Variants in FAM178B observed in about 807,000 individuals in gnomAD.
FAM178B encodes the protein family with sequence similarity 178 member B, also known as protein FAM178B.
FAM178B carries 82 observed loss-of-function variants against 91.7 expected under a neutral mutation model. That is an observed-to-expected ratio of 0.89 (90% CI 0.75 to 1.07). FAM178B has a LOEUF of 1.07. Among genes scored for constraint, FAM178B ranks in the 50% least tolerant of loss-of-function variants. The pLI is 0.00. For missense variants in FAM178B, 769 were observed against 846.7 expected (o/e 0.91, Z 1.14); for synonymous variants, 368 against 359.4 (o/e 1.02, Z -0.27).
At chr2:96,967,911 CTTTTTTTTTTT>C (rs60965536) in intron 4 of FAM178B, among the ~76,000 whole-genome samples, 5 of 62,444 alleles carry the variant, frequency 8.0e-5, no homozygotes, top group Non-Finnish European at 1.5e-4. Flanking sequence ...CCTGTTTGGT[CTTTTTTTTTTT>C]TTTTTTTTTT....
At chr2:96,882,429 G>T (rs1385536013) in intron 14 of FAM178B, among the ~76,000 whole-genome samples, 1 of 152,362 alleles carries the variant, frequency 6.6e-6, no homozygotes, top group African/African-American at 2.4e-5. Context: ...GGGCAGGCAG[G>T]GGTGGGCGAG....
At chr2:96,901,771 G>C (rs2080937628) in intron 13 of FAM178B, among the ~76,000 whole-genome samples, 2 of 152,100 alleles carry the variant, frequency 1.3e-5, no homozygotes, top group Admixed American at 1.3e-4. Flanking sequence ...TCCCTGAATT[G>C]TACACTTAGA....
chr2:96,919,949 T>C (rs926353019), intron 12 of FAM178B, among the ~76,000 whole-genome samples: 3 of 151,620 alleles, frequency 2.0e-5, no homozygotes, highest in African/African-American at 7.3e-5. Context: ...GGCCCTGGGG[T>C]GTGAGGCGAT....
At chr2:96,878,668 C>T (rs184151874) in intron 14 of FAM178B, among the ~76,000 whole-genome samples, 175 bp from the exon 15 acceptor site, 1 of 152,212 alleles carries the variant, frequency 6.6e-6, no homozygotes, top group East Asian at 1.9e-4. Flanking sequence ...CCTGGGTGAG[C>T]CAGGCTCTGG....
At chr2:96,957,229 G>A (rs1012494597) in intron 6 of FAM178B, among the ~76,000 whole-genome samples, 2 of 152,148 alleles carry the variant, frequency 1.3e-5, no homozygotes, top group Non-Finnish European at 2.9e-5. Flanking sequence ...GGTTATTATT[G>A]AATGACTGAC....
chr2:96,971,867 AAGG>A (rs1411928142), intron 3 of FAM178B, 31 bp downstream of exon 3: 1 of 1,447,164 alleles, frequency 6.9e-7, no homozygotes, highest in Non-Finnish European at 9.1e-7. Flanking sequence ...ATGGGTAGCC[AAGG>A]AGAAGAGGCC....
chr2:96,890,844 C>T (rs1574197108), intron 14 of FAM178B, among the ~76,000 whole-genome samples: 1 of 152,134 alleles, frequency 6.6e-6, no homozygotes, highest in South Asian at 2.1e-4. Flanking sequence ...GCCAAATAAG[C>T]CCTCTGCCTC....
chr2:96,886,364 C>T lies in FAM178B; in HGVS notation c.1776+7562G>A, dbSNP rs553731435. Among the ~76,000 whole-genome samples, 20 of 152,310 alleles carry T rather than the reference C, an allele frequency of 1.3e-4. No individual in the cohort carries two copies. The East Asian group carries it at 3.3e-3, about 25-fold the overall frequency. On this transcript the variant is annotated intron_variant, in intron 14 of 16. Coordinates refer to ENST00000490605, the MANE Select transcript of FAM178B (RefSeq NM_001122646.3). ...AGCCAATGAGACGCCATTCTGGTTA[C>T]GATTCGAGGGCCGAAGCTCTTTCTT...
In FAM178B at chr2:96,950,436, G is replaced by A. The variant is rs77832097; in HGVS notation, c.993+943C>T. ...AGGTGAAGGACCCAGAGCACGAAGG[G>A]AGAGCTGGAGGGCTCTCTCTGGACT... On this transcript the variant is annotated intron_variant, in intron 7 of 16. Coordinates refer to ENST00000490605, the MANE Select transcript of FAM178B (RefSeq NM_001122646.3). 3.6e-3 allele frequency among the ~76,000 whole-genome samples: 550 copies of A among 152,282 alleles called. 2 individuals carry two copies. The highest frequency in any genetic ancestry group is 0.013 in the African/African-American group (539 of 41,562).
chr2:96,983,649 T>G (rs1227487369), intron 1 of FAM178B, among the ~76,000 whole-genome samples: 1 of 151,952 alleles, frequency 6.6e-6, no homozygotes, highest in East Asian at 1.9e-4. Flanking sequence ...GGTCTCAAAC[T>G]CCTAGGCTCA....
intron 14 of FAM178B, among the ~76,000 whole-genome samples, chr2:96,882,390 G>A (rs1377453880): frequency 2.6e-5 from 4 of 152,252 alleles, no homozygotes; most frequent in Non-Finnish European, 5.9e-5. Flanking sequence ...TCCCTCCAAC[G>A]TGGCAGGGGC....
Position 96,964,825 on chromosome 2 carries a change from A to C in FAM178B, c.734+2695T>G, listed in dbSNP as rs2082124441. On this transcript the variant is annotated intron_variant, in intron 5 of 16. Transcript: ENST00000490605. ...CACTGTGACCTCTAAATCATACGTC[A>C]ATCATTCCCACTCTGGGCCAGCAGC... Among the ~76,000 whole-genome samples the C allele has an allele frequency of 3.9e-5, 6 of 152,068 alleles. No individual in the cohort carries two copies. In the South Asian group the frequency reaches 1.2e-3, roughly 32 times the overall value.
At chr2:96,929,344 GAGTT>G in intron 8 of FAM178B, 24 bp from the exon 9 acceptor site, 1 of 1,504,022 alleles carries the variant, frequency 6.6e-7, no homozygotes, top group Non-Finnish European at 9.1e-7. Context: ...AGGGAGCAGA[GAGTT>G]AGAATGGGGA....
intron 5 of FAM178B, among the ~76,000 whole-genome samples, chr2:96,964,516 G>A (rs1243048203): frequency 6.6e-6 from 1 of 152,088 alleles, no homozygotes; most frequent in Non-Finnish European, 1.5e-5. Flanking sequence ...CCACACAGCT[G>A]GGGCCACCTC....
At chr2:96,962,300 T>C (rs1010262167) in intron 5 of FAM178B, among the ~76,000 whole-genome samples, 5 of 151,322 alleles carry the variant, frequency 3.3e-5, no homozygotes, top group African/African-American at 1.2e-4. Flanking sequence ...AGACTCCATC[T>C]CAAAGGGAAG....
chr2:96,921,039 C>T, intron 12 of FAM178B, 126 bp downstream of exon 12: 1 of 717,360 alleles, frequency 1.4e-6, no homozygotes, highest in Non-Finnish European at 2.4e-6. Flanking sequence ...TTTTAGTTCT[C>T]CCTCCTGGGG....
Position 96,929,205 on chromosome 2 carries a change from C to A in FAM178B, c.1193+1G>T. On this transcript the variant is annotated splice_donor_variant, in intron 9 of 16. Transcript: ENST00000490605. LOFTEE classifies it high-confidence loss of function. ...GGCAGTGAGGAAGCAGAAGTACTCACCTGCCACCGTGCCAAAAGGGCCCCA... is the reference window on the plus strand; with the variant it reads ...GGCAGTGAGGAAGCAGAAGTACTCAACTGCCACCGTGCCAAAAGGGCCCCA... The A allele has an allele frequency of 1.3e-6, 2 of 1,544,286 alleles. No homozygotes were observed. Among genetic ancestry groups the A allele is most frequent in the Non-Finnish European group, 1.8e-6 (2 of 1,140,372 alleles).
chr2:96,974,635 A>G (rs1467656701), intron 1 of FAM178B, among the ~76,000 whole-genome samples: 1 of 152,186 alleles, frequency 6.6e-6, no homozygotes, highest in African/African-American at 2.4e-5. Context: ...TGGAAGACAC[A>G]AATAGGTTGA....
rs182788754 is a variant in FAM178B at position 96,889,401 on chromosome 2, C to T, written c.1776+4525G>A. Among the ~76,000 whole-genome samples the T allele has an allele frequency of 9.5e-3, 1,442 of 152,132 alleles. 10 individuals carry two copies. The highest frequency in any genetic ancestry group is 0.016 in the South Asian group (77 of 4,814). On this transcript the variant is annotated intron_variant, in intron 14 of 16. Coordinates refer to ENST00000490605, the MANE Select transcript of FAM178B (RefSeq NM_001122646.3). ...CTCATCAATAGAACATCAGTAGGCC[C>T]GGTGCGGTGGCTCATACCTGTAATT...
Sources: allele counts gnomAD v4.1 joint callset (sites outside exome capture counted in the v4.1 genomes callset), GRCh38; gene constraint gnomAD v4.1.1; transcripts MANE v1.5; gene names NCBI Gene and HGNC (gene_info 2026-07-23, HGNC 2026-07-21).